The following DHX35 variants were observed in gnomAD, a reference collection of about 807,000 sequenced individuals.
The protein encoded by DHX35 is DEAH-box helicase 35.
In DHX35, 84 loss-of-function variants were observed where a neutral mutation model predicts 99.6. The observed-to-expected ratio is 0.84, with a 90% CI of 0.71 to 1.01. The LOEUF is 1.01. Ranked by LOEUF, DHX35 falls within the 50% of genes least tolerant of loss-of-function variation. The probability of loss-of-function intolerance (pLI) is 0.00; values close to 1 mark genes in which losing one functional copy is unlikely to be tolerated. For missense variants in DHX35, 852 were observed against 888.5 expected (o/e 0.96, Z 0.52); for synonymous variants, 331 against 316.2 (o/e 1.05, Z -0.50).
At chr20:39,001,654 A>G (rs2086521540) in intron 8 of DHX35, 76 bp from the exon 9 acceptor site, 3 of 1,164,874 alleles carry the variant, frequency 2.6e-6, no homozygotes, top group East Asian at 2.4e-5. Flanking sequence ...CAAGTTTTAT[A>G]TTATTTTTTC....
At chr20:38,984,999 C>A (rs2086228532) in intron 4 of DHX35, among the ~76,000 whole-genome samples, 1 of 151,828 alleles carries the variant, frequency 6.6e-6, no homozygotes, top group South Asian at 2.1e-4. Context: ...TTGCTCACTG[C>A]CTTTTGGCGT....
chr20:38,990,980 A>G (rs933032825), intron 5 of DHX35, among the ~76,000 whole-genome samples: 1 of 152,232 alleles, frequency 6.6e-6, no homozygotes, highest in African/African-American at 2.4e-5. Flanking sequence ...GTCTGACACC[A>G]TAGCCCATGT....
chr20:39,029,011 C>G (rs958676102), intron 19 of DHX35, among the ~76,000 whole-genome samples: 1 of 152,172 alleles, frequency 6.6e-6, no homozygotes, highest in African/African-American at 2.4e-5. Flanking sequence ...CATAGGAAAT[C>G]ACTCATTGAT....
rs765432925 is a variant in DHX35 at position 39,034,272 on chromosome 20, G to A, written c.2022G>A (p.Ser674=). 33 of 1,614,020 alleles carry A rather than the reference G, an allele frequency of 2.0e-5. 1 individual carries two copies. The Middle Eastern group carries it at 9.9e-4, about 48-fold the overall frequency. The change falls in exon 21 of 22, where the codon TCG becomes TCA. Residue 674 remains serine (S), a synonymous_variant. Transcript: ENST00000252011. Reference sequence around the variant, plus strand: ...TGAGAGATGTGACTGCCATTGAATCGGCCTGGCTGTTGGAGCTGGCTCCAC... The same window carrying A: ...TGAGAGATGTGACTGCCATTGAATCAGCCTGGCTGTTGGAGCTGGCTCCAC... ...YYMRDVTAIE[S]AWLLELAPHF...
chr20:39,001,899 A>G, intron 9 of DHX35, 57 bp downstream of exon 9: 9 of 1,305,978 alleles, frequency 6.9e-6, no homozygotes, highest in Non-Finnish European at 9.9e-6. Flanking sequence ...CCTCTGATGT[A>G]GAATGTCAGA....
intron 14 of DHX35, among the ~76,000 whole-genome samples, chr20:39,018,015 A>C (rs1399581912): frequency 6.6e-6 from 1 of 152,226 alleles, no homozygotes; most frequent in Non-Finnish European, 1.5e-5. Context: ...GGCAGCAGGC[A>C]AGAGAACTTG....
chr20:38,972,300 C>T (rs1029329357), intron 2 of DHX35, among the ~76,000 whole-genome samples: 3 of 151,152 alleles, frequency 2.0e-5, no homozygotes, highest in African/African-American at 7.3e-5. Flanking sequence ...CGTGAGCCAC[C>T]TCACCCGGCC....
chr20:39,013,131 A>G (rs1293131605), intron 13 of DHX35, among the ~76,000 whole-genome samples: 3 of 144,012 alleles, frequency 2.1e-5, no homozygotes, highest in African/African-American at 8.5e-5. Context: ...TTGAAAAATG[A>G]AAAAAAAAAT....
In DHX35 at chr20:39,038,724, G is replaced by A; in HGVS notation, c.*181G>A. ...TGCCCACAGCATTTGCATCCTTGCTGGGATCCTGGAGGACTTTGTGCATGG... is the reference window on the plus strand; with the variant it reads ...TGCCCACAGCATTTGCATCCTTGCTAGGATCCTGGAGGACTTTGTGCATGG... On this transcript the variant is annotated 3_prime_UTR_variant, in exon 22 of 22. Transcript: ENST00000252011. 3.1e-6 allele frequency: 2 copies of A among 640,142 alleles called. No individual in the cohort carries two copies. Among genetic ancestry groups the A allele is most frequent in the Non-Finnish European group, 2.7e-6 (1 of 371,872 alleles). The allele number at this position is 640,142 out of a possible 1,614,324, so 39.7% of individuals were successfully genotyped here.
intron 11 of DHX35, 119 bp from the exon 12 acceptor site, chr20:39,006,027 A>T: frequency 8.5e-7 from 1 of 1,180,462 alleles, no homozygotes; most frequent in Non-Finnish European, 1.2e-6. Flanking sequence ...CTAGTATATT[A>T]AACTGCCTCT....
In DHX35 at chr20:38,991,477, C is replaced by T; in HGVS notation, c.474C>T (p.Val158=). 6.2e-7 allele frequency: 1 copy of T among 1,613,278 alleles called. No homozygotes were observed. Among genetic ancestry groups the T allele is most frequent in the Non-Finnish European group, 8.5e-7 (1 of 1,179,668 alleles). Reference sequence around the variant, plus strand: ...AGTTTCTTACTGATGGAATGCTGGTCAGGGAAATGATGGTTGATCCGTTGT... The same window carrying T: ...AGTTTCTTACTGATGGAATGCTGGTTAGGGAAATGATGGTTGATCCGTTGT... ...RIKFLTDGML[V]REMMVDPLLT... is the part of the protein sequence containing the mutation. Residue 158 remains valine (V), a synonymous_variant, in exon 6 of 22, where the codon GTC becomes GTT. Transcript: ENST00000252011.
intron 1 of DHX35, among the ~76,000 whole-genome samples, chr20:38,968,208 G>A (rs2085938088): frequency 6.6e-6 from 1 of 152,170 alleles, no homozygotes; most frequent in Non-Finnish European, 1.5e-5. Context: ...TAGAGGAGTT[G>A]TAAGCGTGAA....
At chr20:39,024,555 A>G (rs569220169) in intron 17 of DHX35, among the ~76,000 whole-genome samples, 2 of 152,348 alleles carry the variant, frequency 1.3e-5, no homozygotes, top group South Asian at 2.1e-4. Context: ...TACAGGCACA[A>G]TGTATCATCT....
At chr20:39,000,224 C>T (rs140173358) in intron 8 of DHX35, among the ~76,000 whole-genome samples, 9 of 152,316 alleles carry the variant, frequency 5.9e-5, no homozygotes, top group Non-Finnish European at 7.3e-5. Context: ...CCCTGAAAGC[C>T]GGTAGTTCTT....
intron 4 of DHX35, among the ~76,000 whole-genome samples, chr20:38,985,576 T>C (rs4812346): frequency 0.15 from 23,088 of 151,758 alleles, 1,882 homozygotes; most frequent in East Asian, 0.29. Context: ...AGAAGTTATG[T>C]GTGTGTGTGT....
intron 3 of DHX35, among the ~76,000 whole-genome samples, chr20:38,981,156 G>A (rs766647433): frequency 2.0e-5 from 3 of 152,166 alleles, no homozygotes; most frequent in Non-Finnish European, 4.4e-5. Flanking sequence ...TTTTGCCTGT[G>A]AAACTACTGT....
At position 39,038,764 on chromosome 20, in the gene DHX35, G is replaced by A. The variant is rs2087197916; in HGVS notation, c.*221G>A. On this transcript the variant is annotated 3_prime_UTR_variant, in exon 22 of 22. Coordinates refer to ENST00000252011, the MANE Select transcript of DHX35 (RefSeq NM_021931.4). ...TTTGTGCATGGGCAGGCATCCTTCT[G>A]TGCTGCAGCGGGCAGAGTGGGAGTT... The A allele has an allele frequency of 6.8e-6, 4 of 585,990 alleles. No individual in the cohort carries two copies. The Admixed American group carries it at 9.1e-5, about 13-fold the overall frequency. 36.3% of individuals were successfully genotyped at this position (585,990 alleles called of 1,614,324 possible). A position where few individuals can be genotyped will look rare whatever the true frequency, so the allele number is the denominator to read the frequency against.
intron 13 of DHX35, among the ~76,000 whole-genome samples, chr20:39,013,031 A>T (rs1248870501): frequency 6.6e-6 from 1 of 152,240 alleles, no homozygotes; most frequent in Non-Finnish European, 1.5e-5. Flanking sequence ...CAGAAGAAGA[A>T]AAAAAGCTTA....
intron 8 of DHX35, 127 bp downstream of exon 8, chr20:38,995,007 G>A: frequency 1.4e-6 from 1 of 700,788 alleles, no homozygotes; most frequent in Non-Finnish European, 2.5e-6. Flanking sequence ...GGGACCATCT[G>A]ATGTCCTAGA....
Sources: allele counts gnomAD v4.1 joint callset (sites outside exome capture counted in the v4.1 genomes callset), GRCh38; gene constraint gnomAD v4.1.1; transcripts MANE v1.5; gene names NCBI Gene and HGNC (gene_info 2026-07-23, HGNC 2026-07-21).